Variants in ADRA1A observed in about 807,000 individuals in gnomAD.
ADRA1A encodes the protein adrenoceptor alpha 1A.
Under a neutral mutation model 29.6 loss-of-function variants are expected in ADRA1A, and 31 were observed. That is an observed-to-expected ratio of 1.05 (90% CI 0.79 to 1.41). The LOEUF (loss-of-function observed/expected upper bound fraction) is 1.41. Ranked by LOEUF, ADRA1A falls within the 40% of genes most tolerant of loss-of-function variation. ADRA1A has a pLI of 0.00. For missense variants in ADRA1A, 619 were observed against 601.1 expected (o/e 1.03, Z -0.31); for synonymous variants, 311 against 254.3 (o/e 1.22, Z -2.12).
At chr8:26,829,673 T>C (rs941139376) in intron 2 of ADRA1A, among the ~76,000 whole-genome samples, 4 of 152,110 alleles carry the variant, frequency 2.6e-5, no homozygotes, top group African/African-American at 9.7e-5. Flanking sequence ...AATCCTGGAT[T>C]CCACATCTGG....
chr8:26,865,328 C>A lies in ADRA1A; in HGVS notation c.-359G>T. On this transcript the variant is annotated 5_prime_UTR_variant, in exon 2 of 3. Transcript: ENST00000380573. The surrounding 1 kb of genome is among the most constrained non-coding windows in gnomAD (Gnocchi z 7.6). ...CTTGCAACATGCAATTCCAGAATTA[C>A]GAGAATCTGCTTTTCCGCGCTGTCT... is the stretch of plus-strand genomic sequence containing the variant. The A allele has an allele frequency of 9.2e-7, 1 of 1,090,734 alleles. No individual in the cohort carries two copies. The highest frequency in any genetic ancestry group is 1.7e-5 in the African/African-American group (1 of 60,572). The allele number at this position is 1,090,734 out of a possible 1,614,324, so 67.6% of individuals were successfully genotyped here.
At position 26,810,884 on chromosome 8, in the gene ADRA1A, T is replaced by A. The variant is rs138684664; in HGVS notation, c.884-40218A>T. 1.1e-4 allele frequency among the ~76,000 whole-genome samples: 17 copies of A among 152,258 alleles called. No individual in the cohort carries two copies. In the East Asian group the frequency reaches 3.3e-3, roughly 29 times the overall value. On this transcript the variant is annotated intron_variant, in intron 2 of 2. Coordinates refer to ENST00000380573, the MANE Select transcript of ADRA1A (RefSeq NM_000680.4). Reference sequence around the variant, plus strand: ...CCTAATTTCAACTATGATTAATCAATTAGTTGAAAAATCAATTACCTGACA... The same window carrying A: ...CCTAATTTCAACTATGATTAATCAAATAGTTGAAAAATCAATTACCTGACA...
chr8:26,751,005 G>T (rs34457877), intron 2 of ADRA1A, among the ~76,000 whole-genome samples: 18,587 of 150,978 alleles, frequency 0.12, 1,531 homozygotes, highest in East Asian at 0.34. Context: ...GGAGGCGGAG[G>T]TTGTGGAGAG....
At chr8:26,765,841 A>G (rs907613590), downstream of ADRA1A, 1 of 1,387,370 alleles carries the variant, frequency 7.2e-7, no homozygotes, top group Non-Finnish European at 9.3e-7. Context: ...GCTCTGATTA[A>G]GTAGCTGTGA....
intron 2 of ADRA1A, among the ~76,000 whole-genome samples, chr8:26,845,152 G>T (rs993153255): frequency 1.3e-5 from 2 of 151,692 alleles, no homozygotes; most frequent in African/African-American, 4.9e-5. Flanking sequence ...AATGTGAAAG[G>T]GCAACCCACG....
intron 2 of ADRA1A, chr8:26,779,256 C>T (rs1563245986): frequency 1.3e-5 from 9 of 697,414 alleles, no homozygotes; most frequent in Admixed American, 8.1e-5. Context: ...TTCCTTCTCC[C>T]TTTTTTTTGC....
At chr8:26,768,030 A>G (rs61759735), downstream of ADRA1A, among the ~76,000 whole-genome samples, 537 of 152,326 alleles carry the variant, frequency 3.5e-3, 1 homozygote, top group Middle Eastern at 6.8e-3. Flanking sequence ...CCAGAATCCA[A>G]GTTCTGAACA....
chr8:26,863,782 T>C (rs1343596039), intron 2 of ADRA1A, among the ~76,000 whole-genome samples: 1 of 152,196 alleles, frequency 6.6e-6, no homozygotes, highest in African/African-American at 2.4e-5. Context: ...TGCATTTAAA[T>C]TGAACACGTG....
intron 2 of ADRA1A, among the ~76,000 whole-genome samples, chr8:26,773,256 G>A (rs1806309701): frequency 6.6e-6 from 1 of 152,184 alleles, no homozygotes; most frequent in Non-Finnish European, 1.5e-5. Flanking sequence ...TAGCTGATGG[G>A]GAGTGATAAA....
chr8:26,785,077 GT>G (rs922553163), intron 2 of ADRA1A, among the ~76,000 whole-genome samples: 2 of 152,130 alleles, frequency 1.3e-5, no homozygotes, highest in Non-Finnish European at 2.9e-5. Context: ...AAAGTTGATT[GT>G]TTTTTGAATG....
In ADRA1A at chr8:26,775,518, C is replaced by T. The variant is rs1011629343; in HGVS notation, c.884-4852G>A. On this transcript the variant is annotated intron_variant, in intron 2 of 2. Coordinates refer to ENST00000380573, the MANE Select transcript of ADRA1A (RefSeq NM_000680.4). This position sits in a 1 kb window ranked among gnomAD's most constrained non-coding sequence, Gnocchi z 4.1. ...ACCCACATGAGAATAGGGGCTCCTA[C>T]TTCTTTGGTCACCGTAGCTATGGTT... is the stretch of plus-strand genomic sequence containing the variant. Among the ~76,000 whole-genome samples the T allele has an allele frequency of 6.6e-6, 1 of 152,176 alleles. No homozygotes were observed. The highest frequency in any genetic ancestry group is 1.5e-5 in the Non-Finnish European group (1 of 68,028).
rs1178534449 is a variant in ADRA1A at position 26,825,429 on chromosome 8, C to G, written c.883+38658G>C. 6.6e-6 allele frequency among the ~76,000 whole-genome samples: 1 copy of G among 152,102 alleles called. No homozygotes were observed. The highest frequency in any genetic ancestry group is 1.5e-5 in the Non-Finnish European group (1 of 68,006). ...GAGGAAGATGGAGTTTCTTTGTTTTCTAATTCCGCCCTACTTCGTTTCCTA... is the reference window on the plus strand; with the variant it reads ...GAGGAAGATGGAGTTTCTTTGTTTTGTAATTCCGCCCTACTTCGTTTCCTA... On this transcript the variant is annotated intron_variant, in intron 2 of 2. Coordinates refer to ENST00000380573, the MANE Select transcript of ADRA1A (RefSeq NM_000680.4). The surrounding 1 kb of genome is among the most constrained non-coding windows in gnomAD (Gnocchi z 5.7).
At chr8:26,859,101 C>A (rs1383629950) in intron 2 of ADRA1A, 3 of 1,289,444 alleles carry the variant, frequency 2.3e-6, no homozygotes, top group African/African-American at 1.5e-5. Context: ...GCACACTCAT[C>A]CCTGCCCTGG....
intron 2 of ADRA1A, among the ~76,000 whole-genome samples, chr8:26,786,259 A>G (rs1449684289): frequency 6.6e-6 from 1 of 151,058 alleles, no homozygotes; most frequent in East Asian, 1.9e-4. Context: ...TTTTGAGATA[A>G]GGTCTCACTC....
chr8:26,861,075 C>T (rs1394349720), intron 2 of ADRA1A, among the ~76,000 whole-genome samples: 3 of 152,190 alleles, frequency 2.0e-5, no homozygotes, highest in Admixed American at 6.5e-5. Flanking sequence ...TTCCTCCTAT[C>T]ACTAAAAACC....
intron 2 of ADRA1A, among the ~76,000 whole-genome samples, chr8:26,813,361 T>C (rs1012898526): frequency 2.6e-5 from 4 of 152,216 alleles, no homozygotes; most frequent in African/African-American, 9.6e-5. Flanking sequence ...CCTTTTGTTT[T>C]TTCTTTCTTA....
chr8:26,808,910 A>T lies in ADRA1A; in HGVS notation c.884-38244T>A, dbSNP rs1271805127. ...CAGCTTTGGTAGGAAACATCTCACA[A>T]CTTGGGTGGGATCATTTTTCTGCCA... On this transcript the variant is annotated intron_variant, in intron 2 of 2. Transcript: ENST00000380573. 2.6e-5 allele frequency among the ~76,000 whole-genome samples: 4 copies of T among 152,168 alleles called. No individual in the cohort carries two copies. The East Asian group carries it at 7.7e-4, about 29-fold the overall frequency.
intron 2 of ADRA1A, chr8:26,779,573 G>T (rs1352517898): frequency 1.8e-6 from 1 of 567,778 alleles, no homozygotes; most frequent in Non-Finnish European, 3.1e-6. Context: ...GTGGAGAGAT[G>T]GCCAGAAGGG....
chr8:26,770,475 T>G lies in ADRA1A; in HGVS notation c.1075A>C (p.Thr359Pro). 6.2e-7 allele frequency: 1 copy of G among 1,614,136 alleles called. No individual in the cohort carries two copies. Among genetic ancestry groups the G allele is most frequent in the African/African-American group, 1.3e-5 (1 of 75,038 alleles). The change falls in exon 3 of 3, where the codon ACC becomes CCC. Residue 359 changes from threonine to proline, a missense_variant. Thr to Pro is a conservative substitution (Grantham distance 38). Coordinates refer to ENST00000380573, the MANE Select transcript of ADRA1A (RefSeq NM_000680.4). ...KQSSKHALGY[T>P]LHPPSQAVEG... is the part of the protein sequence containing the mutation. ...ACGGCCTGGCTGGGCGGGTGCAGGG[T>G]GTAGCCCAGGGCATGTTTGGAAGAC...
Sources: allele counts gnomAD v4.1 joint callset (sites outside exome capture counted in the v4.1 genomes callset), GRCh38; gene constraint gnomAD v4.1.1; non-coding constraint Gnocchi (gnomAD v3.1); transcripts MANE v1.5; gene names NCBI Gene and HGNC (gene_info 2026-07-23, HGNC 2026-07-21).